TSHZ2: variants seen among roughly 807,000 people sequenced by gnomAD.
The protein encoded by TSHZ2 is teashirt zinc finger homeobox 2, also known as teashirt homolog 2.
A neutral mutation model predicts 74.4 loss-of-function variants in TSHZ2; 21 were observed. The observed-to-expected ratio is 0.28, with a 90% CI of 0.20 to 0.41. The LOEUF is 0.41. Ranked by LOEUF, TSHZ2 falls within the 10% of genes least tolerant of loss-of-function variation. The probability of loss-of-function intolerance (pLI) is 1.00; values close to 1 mark genes in which losing one functional copy is unlikely to be tolerated. For missense variants in TSHZ2, 1,244 were observed against 1,293.5 expected, an observed-to-expected ratio of 0.96 and a Z score of 0.59; for synonymous variants, 540 against 515.3, an observed-to-expected ratio of 1.05 and a Z score of -0.65.
At chr20:53,073,270 A>T (rs1012348107) in intron 1 of TSHZ2, among the ~76,000 whole-genome samples, 1 of 144,548 alleles carries the variant, frequency 6.9e-6, no homozygotes, top group African/African-American at 2.6e-5. Flanking sequence ...CCATCCATCC[A>T]TCCCTCCATT....
Position 53,191,175 on chromosome 20 carries a change from A to T in TSHZ2, c.41-62324A>T, listed in dbSNP as rs540193665. 3.3e-5 allele frequency among the ~76,000 whole-genome samples: 5 copies of T among 152,292 alleles called. No individual in the cohort carries two copies. In the South Asian group the frequency reaches 1.0e-3, roughly 32 times the overall value. On this transcript the variant is annotated intron_variant, in intron 1 of 2. Transcript: ENST00000371497. ...ACATGTGCATATATATATATGTACA[A>T]ATCAAACATTATTACGTATTGTATT...
intron 2 of TSHZ2, among the ~76,000 whole-genome samples, chr20:53,434,900 G>C (rs771866683): frequency 6.6e-6 from 1 of 152,220 alleles, no homozygotes; most frequent in Non-Finnish European, 1.5e-5. Context: ...TCAGCTCCTC[G>C]AGCGTGTTTG....
chr20:53,479,166 A>AT (rs1413690420), intron 2 of TSHZ2, among the ~76,000 whole-genome samples: 1 of 137,554 alleles, frequency 7.3e-6, no homozygotes, highest in Non-Finnish European at 1.5e-5. Flanking sequence ...CTCTGTCTCA[A>AT]TTTAAAAAAA....
intron 1 of TSHZ2, among the ~76,000 whole-genome samples, chr20:53,029,486 G>T (rs1983560562): frequency 6.6e-6 from 1 of 152,180 alleles, no homozygotes; most frequent in African/African-American, 2.4e-5. Context: ...GACCAGCATG[G>T]CCAACATGGT....
intron 1 of TSHZ2, among the ~76,000 whole-genome samples, chr20:53,217,240 C>G (rs1449271185): frequency 6.6e-6 from 1 of 152,264 alleles, no homozygotes; most frequent in East Asian, 1.9e-4. Flanking sequence ...TTGGCCGATG[C>G]CAGCACCTGC....
intron 2 of TSHZ2, among the ~76,000 whole-genome samples, chr20:53,465,380 C>CCTGT (rs1985523598): frequency 6.6e-6 from 1 of 152,122 alleles, no homozygotes; most frequent in Admixed American, 6.5e-5. Flanking sequence ...AAGAGATTCT[C>CCTGT]CTGTCTCAGC....
intron 2 of TSHZ2, among the ~76,000 whole-genome samples, chr20:53,459,332 G>C (rs1402765728): frequency 2.0e-5 from 3 of 152,014 alleles, no homozygotes; most frequent in African/African-American, 7.3e-5. Flanking sequence ...TGTCTCTTTT[G>C]ATCTTTGTTG....
At chr20:53,199,346 C>T (rs1202576870) in intron 1 of TSHZ2, among the ~76,000 whole-genome samples, 3 of 152,026 alleles carry the variant, frequency 2.0e-5, no homozygotes, top group African/African-American at 7.2e-5. Context: ...TGGTGGCACA[C>T]GCCTGTAATC....
At chr20:53,018,263 GTGTCTTTTTCCTGTCTTTCCCAGCAGTTT>G (rs1983112917) in intron 1 of TSHZ2, among the ~76,000 whole-genome samples, 1 of 152,182 alleles carries the variant, frequency 6.6e-6, no homozygotes, top group Non-Finnish European at 1.5e-5. Flanking sequence ...GAAAGAGAAA[GTGTCTTTTTCCTGTCTTTCCCAGCAGTTT>G]TGTAGACAAT....
At chr20:53,276,605 GAAAT>G (rs1990951407) in intron 2 of TSHZ2, among the ~76,000 whole-genome samples, 1 of 152,198 alleles carries the variant, frequency 6.6e-6, no homozygotes, top group Non-Finnish European at 1.5e-5. Context: ...AGAGTTAAAA[GAAAT>G]AATCCAGATA....
At chr20:53,396,863 ACAG>A (rs1189152238) in intron 2 of TSHZ2, among the ~76,000 whole-genome samples, 3 of 151,630 alleles carry the variant, frequency 2.0e-5, no homozygotes, top group South Asian at 2.1e-4. Context: ...AAAAAAAAAA[ACAG>A]AGAGAGAATG....
intron 2 of TSHZ2, among the ~76,000 whole-genome samples, chr20:53,463,358 T>G (rs1180112402): frequency 7.4e-6 from 1 of 134,352 alleles, no homozygotes; most frequent in East Asian, 2.3e-4. Context: ...GGGAGACCCC[T>G]GTCTTGAAAG....
intron 2 of TSHZ2, among the ~76,000 whole-genome samples, chr20:53,471,657 C>T (rs949806192): frequency 2.0e-5 from 3 of 152,066 alleles, no homozygotes; most frequent in Non-Finnish European, 2.9e-5. Context: ...GGGAGCAGCA[C>T]GTGCAAAGAC....
chr20:53,382,730 A>T (rs1327913502), intron 2 of TSHZ2, among the ~76,000 whole-genome samples: 1 of 152,244 alleles, frequency 6.6e-6, no homozygotes, highest in African/African-American at 2.4e-5. Flanking sequence ...ATAGTTCTGA[A>T]GATGAATTAA....
intron 1 of TSHZ2, among the ~76,000 whole-genome samples, chr20:53,115,855 T>C (rs1167751560): frequency 6.6e-6 from 1 of 151,846 alleles, no homozygotes; most frequent in Non-Finnish European, 1.5e-5. Context: ...TAAGCAGGAT[T>C]TGGGGGATTA....
At position 52,973,234 on chromosome 20, in the gene TSHZ2, G is replaced by C. The variant is rs1242479529; in HGVS notation, c.-60G>C. ...GACCCAGAGAGGCCAGAGAGACAGC[G>C]GGCCCCAGCGCGCGGCTCGGGGCTG... On this transcript the variant is annotated 5_prime_UTR_variant, in exon 1 of 3. Transcript: ENST00000371497. 6.5e-7 allele frequency: 1 copy of C among 1,549,856 alleles called. No individual in the cohort carries two copies. The highest frequency in any genetic ancestry group is 8.7e-7 in the Non-Finnish European group (1 of 1,145,634).
intron 2 of TSHZ2, among the ~76,000 whole-genome samples, chr20:53,263,106 T>A (rs1990635186): frequency 6.6e-6 from 1 of 152,198 alleles, no homozygotes; most frequent in South Asian, 2.1e-4. Context: ...GCACAGAAGG[T>A]GTTTCCATGG....
chr20:53,040,896 T>C (rs1433181720), intron 1 of TSHZ2, among the ~76,000 whole-genome samples: 1 of 152,120 alleles, frequency 6.6e-6, no homozygotes, highest in African/African-American at 2.4e-5. Flanking sequence ...TATGAGTAAA[T>C]TGGGCTCAGG....
intron 1 of TSHZ2, among the ~76,000 whole-genome samples, chr20:53,025,421 G>T (rs1983403436): frequency 6.6e-6 from 1 of 152,134 alleles, no homozygotes; most frequent in African/African-American, 2.4e-5. Context: ...AAAAATGCAT[G>T]AGTTCAAGTG....
Sources: allele counts gnomAD v4.1 joint callset (sites outside exome capture counted in the v4.1 genomes callset), GRCh38; gene constraint gnomAD v4.1.1; transcripts MANE v1.5; gene names NCBI Gene and HGNC (gene_info 2026-07-23, HGNC 2026-07-21).